The following SPATA6L variants were observed in gnomAD, a reference collection of about 807,000 sequenced individuals.
SPATA6L encodes spermatogenesis associated 6 like.
In SPATA6L, 68 loss-of-function variants were observed where a neutral mutation model predicts 49.2. The ratio of observed to expected loss-of-function variants is 1.38; its 90% confidence interval spans 1.14 to 1.69. The LOEUF (loss-of-function observed/expected upper bound fraction) is 1.69. Among genes scored for constraint, SPATA6L ranks in the 40% most tolerant of loss-of-function variants. The probability of loss-of-function intolerance (pLI) is 0.00; values close to 1 mark genes in which losing one functional copy is unlikely to be tolerated. For missense variants in SPATA6L, 668 were observed against 464.3 expected (o/e 1.44, Z -4.03); for synonymous variants, 198 against 165.7 (o/e 1.19, Z -1.50).
chr9:4,633,283 G>T, intron 4 of SPATA6L: 2 of 155,684 alleles, frequency 1.3e-5, no homozygotes, highest in South Asian at 3.9e-4. Context: ...TCCTGTTATA[G>T]ACCAAGAAGA....
chr9:4,654,440 G>T (rs1459459312), intron 3 of SPATA6L, among the ~76,000 whole-genome samples: 4 of 152,182 alleles, frequency 2.6e-5, no homozygotes, highest in African/African-American at 9.7e-5. Context: ...TTTACAGCTT[G>T]TGAAGCCCCA....
intron 6 of SPATA6L, among the ~76,000 whole-genome samples, chr9:4,624,768 C>G (rs1346989494): frequency 1.3e-5 from 2 of 150,864 alleles, no homozygotes; most frequent in South Asian, 4.2e-4. Flanking sequence ...ACTAAGAGAA[C>G]TAGTGTGACT....
At chr9:4,606,295 C>T (rs1009728570) in intron 9 of SPATA6L, among the ~76,000 whole-genome samples, 4 of 143,826 alleles carry the variant, frequency 2.8e-5, no homozygotes, top group South Asian at 2.3e-4. Context: ...TGGAGCCCAC[C>T]ACAGCTCAAG....
rs1169477393 is a variant in SPATA6L, at chr9:4,598,778, C to T, written c.*2033G>A. Among the ~76,000 whole-genome samples, 1 of 152,194 alleles carries T rather than the reference C, an allele frequency of 6.6e-6. No homozygotes were observed. Among genetic ancestry groups the T allele is most frequent in the Non-Finnish European group, 1.5e-5 (1 of 68,038 alleles). Reference sequence around the variant, plus strand: ...TAACCTTAATGTAACACAATATTTTCTTACTTTTGATGACTACTTAGAGGT... The same window carrying T: ...TAACCTTAATGTAACACAATATTTTTTTACTTTTGATGACTACTTAGAGGT... On this transcript the variant is annotated 3_prime_UTR_variant, in exon 12 of 12. Coordinates refer to ENST00000682582, the MANE Select transcript of SPATA6L (RefSeq NM_001353486.2).
chr9:4,630,211 C>T (rs1288420491), intron 4 of SPATA6L, among the ~76,000 whole-genome samples: 1 of 152,072 alleles, frequency 6.6e-6, no homozygotes, highest in Non-Finnish European at 1.5e-5. Context: ...GTTCTACATC[C>T]TGCTCGTAGC....
chr9:4,605,451 G>C lies in SPATA6L; in HGVS notation c.996-11C>G. 1 of 1,597,234 alleles carries C rather than the reference G, an allele frequency of 6.3e-7. No individual in the cohort carries two copies. Among genetic ancestry groups the C allele is most frequent in the Non-Finnish European group, 8.6e-7 (1 of 1,164,552 alleles). On this transcript the variant is annotated splice_polypyrimidine_tract_variant and intron_variant, in intron 9 of 11. Transcript: ENST00000682582. ...GAACCAGGATGGAACCTGCTCAACAGATGGAACAGGGTGGAATATTAAGCA... is the reference window on the plus strand; with the variant it reads ...GAACCAGGATGGAACCTGCTCAACACATGGAACAGGGTGGAATATTAAGCA...
In SPATA6L at chr9:4,662,840, C is replaced by G. The variant is rs747435220; in HGVS notation, c.40-804G>C. The G allele has an allele frequency of 6.2e-7, 1 of 1,605,160 alleles. No individual in the cohort carries two copies. Among genetic ancestry groups the G allele is most frequent in the Admixed American group, 1.7e-5 (1 of 60,016 alleles). On this transcript the variant is annotated intron_variant, in intron 1 of 11. Coordinates refer to ENST00000682582, the MANE Select transcript of SPATA6L (RefSeq NM_001353486.2). The surrounding 1 kb of genome is among the most constrained non-coding windows in gnomAD (Gnocchi z 4.9). ...TGCTGGGCACCCTCTACTGCCTGTGCAGGAGCGACAGCTGGGCCGGGCGCG... is the reference window on the plus strand; with the variant it reads ...TGCTGGGCACCCTCTACTGCCTGTGGAGGAGCGACAGCTGGGCCGGGCGCG...
At chr9:4,639,233 C>T (rs1424746969) in intron 3 of SPATA6L, among the ~76,000 whole-genome samples, 3 of 152,276 alleles carry the variant, frequency 2.0e-5, no homozygotes, top group East Asian at 3.9e-4. Context: ...CATTATGTTC[C>T]TACTGGGAAC....
intron 3 of SPATA6L, among the ~76,000 whole-genome samples, chr9:4,644,841 T>C (rs1302985830): frequency 6.6e-6 from 1 of 152,104 alleles, no homozygotes; most frequent in Non-Finnish European, 1.5e-5. Flanking sequence ...CTTATGTCAC[T>C]CAAGACACAC....
chr9:4,606,146 C>G (rs994268723), intron 9 of SPATA6L, among the ~76,000 whole-genome samples: 3 of 151,944 alleles, frequency 2.0e-5, no homozygotes, highest in Non-Finnish European at 4.4e-5. Flanking sequence ...TCGGAGGGTC[C>G]TACGCCCACG....
intron 7 of SPATA6L, among the ~76,000 whole-genome samples, chr9:4,619,681 T>G (rs1406833244): frequency 6.6e-6 from 1 of 152,150 alleles, no homozygotes; most frequent in Non-Finnish European, 1.5e-5. Context: ...CTTGAATATA[T>G]TTGTCCAAGG....
intron 3 of SPATA6L, among the ~76,000 whole-genome samples, chr9:4,636,701 A>C (rs1309783248): frequency 6.6e-6 from 1 of 152,260 alleles, no homozygotes; most frequent in Non-Finnish European, 1.5e-5. Context: ...ACATCAAATA[A>C]TATGATGTAT....
chr9:4,607,561 G>C (rs1458476357), intron 9 of SPATA6L, among the ~76,000 whole-genome samples: 1 of 152,122 alleles, frequency 6.6e-6, no homozygotes, highest in Non-Finnish European at 1.5e-5. Context: ...ATAAGTGAAG[G>C]AGAAATAAAA....
chr9:4,615,552 C>T (rs1024841348), intron 9 of SPATA6L, among the ~76,000 whole-genome samples: 2 of 152,130 alleles, frequency 1.3e-5, no homozygotes, highest in Non-Finnish European at 2.9e-5. Context: ...ATGCATAAAC[C>T]ATCTAACACA....
At chr9:4,634,446 C>T (rs1832347314) in intron 4 of SPATA6L, among the ~76,000 whole-genome samples, 1 of 152,134 alleles carries the variant, frequency 6.6e-6, no homozygotes, top group Admixed American at 6.6e-5. Flanking sequence ...TGAATGCTTG[C>T]TGTTTGATGT....
chr9:4,590,451 A>C (rs940986925), intron 13 of SPATA6L, among the ~76,000 whole-genome samples: 2 of 152,204 alleles, frequency 1.3e-5, no homozygotes, highest in Non-Finnish European at 2.9e-5. Flanking sequence ...GTGTCTCTCC[A>C]GAATTAGGGT....
chr9:4,608,944 T>C (rs1023724660), intron 9 of SPATA6L, among the ~76,000 whole-genome samples: 1 of 151,900 alleles, frequency 6.6e-6, no homozygotes, highest in African/African-American at 2.4e-5. Context: ...ATAGACGCAA[T>C]ATAAAATGAT....
chr9:4,646,116 A>T (rs1467074992), intron 3 of SPATA6L, among the ~76,000 whole-genome samples: 3 of 133,586 alleles, frequency 2.2e-5, no homozygotes, highest in Non-Finnish European at 3.3e-5. Context: ...AAAATGTCTT[A>T]GGGTTTTACA....
At chr9:4,620,851 C>A (rs1442792213) in intron 7 of SPATA6L, among the ~76,000 whole-genome samples, 1 of 152,180 alleles carries the variant, frequency 6.6e-6, no homozygotes, top group African/African-American at 2.4e-5. Flanking sequence ...TTGCTGTTGC[C>A]TGATTTCACT....
Sources: gnomAD v4.1 joint callset for allele counts (sites outside exome capture counted in the v4.1 genomes callset) on GRCh38, gnomAD v4.1.1 for gene constraint, Gnocchi (gnomAD v3.1) non-coding constraint, MANE v1.5 for transcripts, NCBI Gene and HGNC (gene_info 2026-07-23, HGNC 2026-07-21) for gene names.